The following SAE1 variants were observed in gnomAD, a reference collection of about 807,000 sequenced individuals.
The protein encoded by SAE1 is SUMO-activating enzyme subunit 1.
SAE1 carries 11 observed loss-of-function variants against 40.6 expected under a neutral mutation model. The ratio of observed to expected loss-of-function variants is 0.27; its 90% CI spans 0.17 to 0.45. The LOEUF (loss-of-function observed/expected upper bound fraction) is 0.45. SAE1 is among the 20% of genes least tolerant of loss of function. The pLI is 1.00. For missense variants in SAE1, 373 were observed against 427.3 expected (o/e 0.87, Z 1.12); for synonymous variants, 155 against 154.3 (o/e 1.00, Z -0.03).
At chr19:47,191,296 G>C (rs1490122618) in intron 6 of SAE1, among the ~76,000 whole-genome samples, 1 of 151,834 alleles carries the variant, frequency 6.6e-6, no homozygotes, top group African/African-American at 2.4e-5. Context: ...CTCCAGCCTG[G>C]GTGACAGAGT....
chr19:47,189,516 G>A (rs1476590355), intron 6 of SAE1, among the ~76,000 whole-genome samples: 6 of 152,024 alleles, frequency 3.9e-5, no homozygotes, highest in Non-Finnish European at 7.4e-5. Context: ...AGCAAAGATC[G>A]CGCCACTGCA....
intron 6 of SAE1, among the ~76,000 whole-genome samples, chr19:47,188,799 C>G (rs571756395): frequency 6.6e-6 from 1 of 152,138 alleles, no homozygotes; most frequent in Non-Finnish European, 1.5e-5. Context: ...GGAAAGCTGT[C>G]CAGGCCAGGG....
chr19:47,177,925 G>A (rs1431503105), intron 6 of SAE1, among the ~76,000 whole-genome samples: 3 of 152,068 alleles, frequency 2.0e-5, no homozygotes, highest in Admixed American at 6.6e-5. Flanking sequence ...GAGAGAGCAG[G>A]CTAGTGGTTT....
chr19:47,162,023 C>T (rs2058362410), intron 5 of SAE1, among the ~76,000 whole-genome samples: 1 of 152,204 alleles, frequency 6.6e-6, no homozygotes, highest in South Asian at 2.1e-4. Flanking sequence ...TTTAGTTCCT[C>T]AGTCTCACTG....
intron 4 of SAE1, among the ~76,000 whole-genome samples, chr19:47,154,693 G>A (rs2058309951): frequency 6.6e-6 from 1 of 151,616 alleles, no homozygotes; most frequent in Non-Finnish European, 1.5e-5. Flanking sequence ...ACGGGGTTTT[G>A]CTATGTTGGC....
intron 8 of SAE1, 106 bp from the exon 9 acceptor site, chr19:47,209,053 C>T (rs1426614928): frequency 3.8e-6 from 4 of 1,055,188 alleles, no homozygotes; most frequent in Non-Finnish European, 4.1e-6. Context: ...GGAGCAAAAT[C>T]GACCCCAGTT....
rs115211627 is a variant in SAE1, at chr19:47,132,371, C to G, written c.98+1343C>G. Among the ~76,000 whole-genome samples, 1,079 of 151,708 alleles carry G rather than the reference C, an allele frequency of 7.1e-3. 12 individuals carry two copies. The highest frequency in any genetic ancestry group is 0.024 in the African/African-American group (997 of 41,342). On this transcript the variant is annotated intron_variant, in intron 1 of 8. Transcript: ENST00000270225. The stretch of plus-strand genomic sequence containing the variant: ...TCAAGGGATATTCCCTCTTCAGCCT[C>G]CCAAGTAGCTGGGACTACAGGCGTG...
At chr19:47,203,855 T>C in intron 8 of SAE1, 115 bp downstream of exon 8, 1 of 909,826 alleles carries the variant, frequency 1.1e-6, no homozygotes, top group Admixed American at 2.1e-5. Flanking sequence ...CATTCATCTT[T>C]GTTTCATGCC....
chr19:47,191,826 C>A (rs530456759), intron 6 of SAE1, among the ~76,000 whole-genome samples: 4 of 152,034 alleles, frequency 2.6e-5, no homozygotes, highest in Admixed American at 2.6e-4. Context: ...GAGGCCAAGG[C>A]GGGCCGATCA....
At chr19:47,167,940 C>T (rs2058404787) in intron 5 of SAE1, among the ~76,000 whole-genome samples, 1 of 152,156 alleles carries the variant, frequency 6.6e-6, no homozygotes, top group Non-Finnish European at 1.5e-5. Context: ...CGCCTATAAT[C>T]CCAACACTTT....
intron 7 of SAE1, among the ~76,000 whole-genome samples, chr19:47,200,854 T>TTTTG (rs1051570877): frequency 2.6e-5 from 4 of 152,004 alleles, no homozygotes; most frequent in Admixed American, 1.3e-4. Flanking sequence ...TATCTGGTTC[T>TTTTG]TTTGTTTGTT....
At position 47,140,395 on chromosome 19, in the gene SAE1, C is replaced by T. The variant is rs150989428; in HGVS notation, c.99-3099C>T. On this transcript the variant is annotated intron_variant, in intron 1 of 8. Transcript: ENST00000270225. Reference sequence around the variant, plus strand: ...TGCTGGGATTACAGGTGTGAGCCACCGTGCCCAGCCCACGCCCGGCTAATT... The same window carrying T: ...TGCTGGGATTACAGGTGTGAGCCACTGTGCCCAGCCCACGCCCGGCTAATT... 6.1e-3 allele frequency among the ~76,000 whole-genome samples: 921 copies of T among 152,078 alleles called. 5 individuals carry two copies. Among genetic ancestry groups the T allele is most frequent in the Non-Finnish European group, 9.8e-3 (664 of 67,984 alleles).
chr19:47,161,870 A>T (rs1405456967), intron 5 of SAE1, among the ~76,000 whole-genome samples: 1 of 152,230 alleles, frequency 6.6e-6, no homozygotes, highest in Non-Finnish European at 1.5e-5. Flanking sequence ...TATTGTATGC[A>T]TGGTGCCACC....
At chr19:47,154,476 T>G (rs1455424955) in intron 4 of SAE1, among the ~76,000 whole-genome samples, 20 of 143,924 alleles carry the variant, frequency 1.4e-4, no homozygotes, top group Non-Finnish European at 2.5e-4. Context: ...AGAATTAAGT[T>G]TGGCTTTTTT....
chr19:47,164,666 T>TTTTTTTTTTTTTTG (rs2058379710), intron 5 of SAE1, among the ~76,000 whole-genome samples: 1 of 130,678 alleles, frequency 7.7e-6, no homozygotes, highest in African/African-American at 2.9e-5. Flanking sequence ...TTTTTTTTTT[T>TTTTTTTTTTTTTTG]GAGACAGAGT....
intron 8 of SAE1, among the ~76,000 whole-genome samples, chr19:47,205,320 C>CTTTTTTTTTT (rs11291244): frequency 2.3e-5 from 3 of 129,242 alleles, no homozygotes; most frequent in Non-Finnish European, 3.2e-5. Context: ...CCTAAGGCTA[C>CTTTTTTTTTT]TTTTTTTTTT....
intron 1 of SAE1, among the ~76,000 whole-genome samples, chr19:47,134,178 T>C (rs928440778): frequency 6.6e-6 from 1 of 152,068 alleles, no homozygotes; most frequent in African/African-American, 2.4e-5. Context: ...TGTTTTTTTA[T>C]ACAACTAAGT....
intron 7 of SAE1, among the ~76,000 whole-genome samples, chr19:47,201,782 C>T (rs943051129): frequency 3.8e-4 from 58 of 151,728 alleles, no homozygotes; most frequent in Admixed American, 2.6e-4. Context: ...TACAGCTGCC[C>T]GCCACCACAC....
At chr19:47,155,056 A>T in intron 4 of SAE1, 58 bp from the exon 5 acceptor site, 2 of 1,104,744 alleles carry the variant, frequency 1.8e-6, no homozygotes, top group African/African-American at 1.6e-5. Context: ...GCTTTTTTTG[A>T]TTCCAATAAC....
Sources: allele counts gnomAD v4.1 joint callset (sites outside exome capture counted in the v4.1 genomes callset), GRCh38; gene constraint gnomAD v4.1.1; transcripts MANE v1.5; gene names NCBI Gene and HGNC (gene_info 2026-07-23, HGNC 2026-07-21).